KIDINS220: variants seen among roughly 807,000 people sequenced by gnomAD.
The protein encoded by KIDINS220 is kinase D interacting substrate 220, also known as kinase D-interacting substrate of 220 kDa.
In KIDINS220, 63 loss-of-function variants were observed where a neutral mutation model predicts 157.6. That is an observed-to-expected ratio of 0.40 (90% CI 0.33 to 0.49). The LOEUF (loss-of-function observed/expected upper bound fraction) is 0.49, where lower values mean the gene tolerates loss of function less well. KIDINS220 is among the 20% of genes least tolerant of loss of function. The probability of loss-of-function intolerance (pLI) is 0.66; values close to 1 mark genes in which losing one functional copy is unlikely to be tolerated. For missense variants in KIDINS220, 1,772 were observed against 2,171.2 expected (o/e 0.82, Z 3.65); for synonymous variants, 732 against 783.6 (o/e 0.93, Z 1.10).
At chr2:8,779,941 T>A in intron 17 of KIDINS220, 127 bp from the exon 18 acceptor site, 1 of 920,490 alleles carries the variant, frequency 1.1e-6, no homozygotes, top group Non-Finnish European at 1.6e-6. Flanking sequence ...TTGCTGCCAG[T>A]TGTGCTTCCA....
In KIDINS220 at chr2:8,729,798, T is replaced by C; in HGVS notation, c.*922A>G. 1.0e-6 allele frequency: 1 copy of C among 982,388 alleles called. No individual in the cohort carries two copies. The highest frequency in any genetic ancestry group is 1.2e-6 in the Non-Finnish European group (1 of 827,098). 60.9% of individuals were successfully genotyped at this position (982,388 alleles called of 1,614,324 possible). On this transcript the variant is annotated 3_prime_UTR_variant, in exon 30 of 30. Coordinates refer to ENST00000256707, the MANE Select transcript of KIDINS220 (RefSeq NM_020738.4). ...TATCAATTGTCACTGACCTTTTTGA[T>C]GTAATTATTTCCTCATTCACTCATC...
At chr2:8,800,266 A>C (rs1188939927) in intron 9 of KIDINS220, 134 bp downstream of exon 9, 1 of 537,054 alleles carries the variant, frequency 1.9e-6, no homozygotes, top group Non-Finnish European at 3.2e-6. Flanking sequence ...ACTTAGTAAT[A>C]ATATACGTCT....
chr2:8,778,137 G>A (rs939173589), intron 20 of KIDINS220, among the ~76,000 whole-genome samples: 12 of 152,190 alleles, frequency 7.9e-5, no homozygotes, highest in Non-Finnish European at 7.3e-5. Context: ...AGATGGGGAG[G>A]TCAGGGACAA....
chr2:8,808,379 A>G (rs1440502896), intron 6 of KIDINS220, among the ~76,000 whole-genome samples: 1 of 152,176 alleles, frequency 6.6e-6, no homozygotes, highest in South Asian at 2.1e-4. Context: ...TCATCCTTTG[A>G]ATATCTATTG....
intron 21 of KIDINS220, 81 bp downstream of exon 21, chr2:8,776,667 A>G (rs1278306567): frequency 1.0e-5 from 13 of 1,276,224 alleles, no homozygotes; most frequent in Non-Finnish European, 1.2e-5. Flanking sequence ...CACACAATAC[A>G]TACCTTTGTT....
chr2:8,806,947 C>A (rs140790240), intron 6 of KIDINS220, among the ~76,000 whole-genome samples: 227 of 152,264 alleles, frequency 1.5e-3, no homozygotes, highest in Non-Finnish European at 2.6e-3. Context: ...AAATTTTCAA[C>A]AAGCTTTCAT....
At chr2:8,721,883 TAGAACATTGTC>T (rs1275539320), downstream of KIDINS220, 2 of 152,242 alleles carry the variant, frequency 1.3e-5, no homozygotes, top group Non-Finnish European at 2.9e-5. Context: ...AATTAGGTCT[TAGAACATTGTC>T]AGATACACAG....
chr2:8,738,517 C>CCTT (rs1199327446), intron 26 of KIDINS220, among the ~76,000 whole-genome samples: 8 of 152,336 alleles, frequency 5.3e-5, no homozygotes, highest in Admixed American at 1.3e-4. Flanking sequence ...ACATCAAGAA[C>CCTT]CTTCAACTCT....
rs1666802717 is a variant in KIDINS220 at position 8,747,876 on chromosome 2, T to C, written c.3528+11A>G. On this transcript the variant is annotated intron_variant, in intron 25 of 29. Transcript: ENST00000256707. ...TAAATTAATATTTGCGTTACCCTTT[T>C]ATATACTTACTAGGCCATTGTTCTG... 5 of 1,514,348 alleles carry C rather than the reference T, an allele frequency of 3.3e-6. No individual in the cohort carries two copies. In the South Asian group the frequency reaches 4.8e-5, roughly 15 times the overall value. 93.8% of individuals were successfully genotyped at this position (1,514,348 alleles called of 1,614,324 possible).
downstream of KIDINS220, chr2:8,721,380 G>A (rs931882779): frequency 6.6e-6 from 1 of 152,168 alleles, no homozygotes; most frequent in African/African-American, 2.4e-5. Context: ...ATCATAATTG[G>A]ATGAGTGATA....
At chr2:8,769,656 T>G (rs1669924599) in intron 22 of KIDINS220, among the ~76,000 whole-genome samples, 1 of 152,212 alleles carries the variant, frequency 6.6e-6, no homozygotes, top group African/African-American at 2.4e-5. Flanking sequence ...CAAACGTTCA[T>G]AATTATACAG....
At chr2:8,754,822 T>C (rs1667808181) in intron 22 of KIDINS220, among the ~76,000 whole-genome samples, 1 of 152,226 alleles carries the variant, frequency 6.6e-6, no homozygotes, top group African/African-American at 2.4e-5. Flanking sequence ...GAAAGTATTA[T>C]TTATCACATT....
At chr2:8,734,607 T>C in intron 28 of KIDINS220, 48 bp downstream of exon 28, 3 of 1,271,536 alleles carry the variant, frequency 2.4e-6, no homozygotes, top group East Asian at 2.3e-5. Flanking sequence ...ATTTTGAATG[T>C]TATCATAAAA....
At chr2:8,755,740 C>T (rs1408900660) in intron 22 of KIDINS220, among the ~76,000 whole-genome samples, 1 of 152,226 alleles carries the variant, frequency 6.6e-6, no homozygotes, top group Non-Finnish European at 1.5e-5. Context: ...AGAGTCTGTC[C>T]TTTCCCCCAT....
chr2:8,760,093 C>T (rs909936450), intron 22 of KIDINS220, among the ~76,000 whole-genome samples: 2 of 152,120 alleles, frequency 1.3e-5, no homozygotes, highest in African/African-American at 2.4e-5. Context: ...ATGACTTACA[C>T]GTTTTTAACT....
At chr2:8,786,100 A>G (rs1672361378) in intron 16 of KIDINS220, 70 bp from the exon 17 acceptor site, 2 of 1,557,488 alleles carry the variant, frequency 1.3e-6, no homozygotes, top group Non-Finnish European at 1.7e-6. Flanking sequence ...TTATAGTCAC[A>G]ATACCTGATG....
At chr2:8,758,513 T>C (rs1337254734) in intron 22 of KIDINS220, among the ~76,000 whole-genome samples, 2 of 152,204 alleles carry the variant, frequency 1.3e-5, no homozygotes, top group East Asian at 1.9e-4. Context: ...AAAATACTTC[T>C]GGTTTCATTG....
downstream of KIDINS220, chr2:8,727,212 GC>G: frequency 2.7e-6 from 3 of 1,125,846 alleles, no homozygotes; most frequent in Non-Finnish European, 3.3e-6. Context: ...TGCTGCCCCC[GC>G]AAAAGAACAG....
Position 8,786,230 on chromosome 2 carries a change from C to G in KIDINS220, c.1915G>C (p.Val639Leu). The G allele has an allele frequency of 6.2e-7, 1 of 1,614,110 alleles. No individual in the cohort carries two copies. The highest frequency in any genetic ancestry group is 8.5e-7 in the Non-Finnish European group (1 of 1,180,010). The part of the protein sequence containing the change: ...FGFLATRLFR[V>L]FKTEDTQGKK... Reference sequence around the variant, plus strand: ...CCCTGAGTATCTTCAGTCTTGAATACTCGAAAAAGCCTGGTTGCCAAAAAG... The same window carrying G: ...CCCTGAGTATCTTCAGTCTTGAATAGTCGAAAAAGCCTGGTTGCCAAAAAG... The change falls in exon 16 of 30, where the codon GTA (valine) becomes CTA (leucine). Residue 639 changes from valine to leucine, a missense_variant. By Grantham distance (32) the Val-to-Leu change is conservative. Around this residue, in one of 3 missense-constraint regions of KIDINS220, gnomAD observed 725 missense variants for 1,017.1 expected, o/e 0.71. Transcript: ENST00000256707.
Sources: allele counts gnomAD v4.1 joint callset (sites outside exome capture counted in the v4.1 genomes callset), GRCh38; gene constraint gnomAD v4.1.1; regional missense constraint gnomAD v4.1.1; transcripts MANE v1.5; gene names NCBI Gene and HGNC (gene_info 2026-07-23, HGNC 2026-07-21).